The following ROBO1 variants were observed in gnomAD, a reference collection of about 807,000 sequenced individuals.
ROBO1 encodes the protein roundabout guidance receptor 1.
A neutral mutation model predicts 195.9 loss-of-function variants in ROBO1; 149 were observed. The ratio of observed to expected loss-of-function variants is 0.76; its 90% CI spans 0.67 to 0.87. The LOEUF (loss-of-function observed/expected upper bound fraction) is 0.87. Among genes scored for constraint, ROBO1 ranks in the 40% least tolerant of loss-of-function variants. ROBO1 has a pLI of 0.00. For missense variants in ROBO1, 1,933 were observed against 2,068.3 expected (o/e 0.93, Z 1.27); for synonymous variants, 816 against 733.2 (o/e 1.11, Z -1.82).
intron 1 of ROBO1, among the ~76,000 whole-genome samples, chr3:79,675,002 T>G (rs1946743655): frequency 6.6e-6 from 1 of 151,960 alleles, no homozygotes; most frequent in South Asian, 2.1e-4. Flanking sequence ...TAAAAATTTC[T>G]TAACAAAAAG....
chr3:79,258,578 C>T (rs61479702), intron 2 of ROBO1, among the ~76,000 whole-genome samples: 5,696 of 152,090 alleles, frequency 0.037, 147 homozygotes, highest in African/African-American at 0.064. Context: ...ATATTTTGTG[C>T]GCCATGTCAT....
Position 79,256,315 on chromosome 3 carries a change from A to G in ROBO1, c.89-130776T>C, listed in dbSNP as rs145696629. ...CTGTAGACACATGGTACATGTGTTC[A>G]TTACCAACTTCACATTTCTAAGCAC... is the stretch of plus-strand genomic sequence containing the variant. On this transcript the variant is annotated intron_variant, in intron 2 of 30. Transcript: ENST00000464233. 1.2e-4 allele frequency among the ~76,000 whole-genome samples: 19 copies of G among 152,290 alleles called. No homozygotes were observed. The East Asian group carries it at 2.9e-3, about 23-fold the overall frequency.
chr3:78,930,204 T>C (rs1488744161), intron 4 of ROBO1, among the ~76,000 whole-genome samples: 1 of 152,170 alleles, frequency 6.6e-6, no homozygotes. Flanking sequence ...TGCTCCTTGA[T>C]GTGGCACTAT....
chr3:78,983,535 A>C (rs2077042510), intron 3 of ROBO1, among the ~76,000 whole-genome samples: 1 of 152,248 alleles, frequency 6.6e-6, no homozygotes, highest in Non-Finnish European at 1.5e-5. Flanking sequence ...CATAAGATTC[A>C]AGTATTCAAA....
intron 29 of ROBO1, among the ~76,000 whole-genome samples, chr3:78,600,920 A>G (rs1157020146): frequency 1.3e-5 from 2 of 152,160 alleles, no homozygotes; most frequent in Non-Finnish European, 2.9e-5. Flanking sequence ...CTCCACGTCA[A>G]TGTCCTATTT....
At chr3:79,330,416 A>G (rs1269414888) in intron 2 of ROBO1, among the ~76,000 whole-genome samples, 1 of 151,176 alleles carries the variant, frequency 6.6e-6, no homozygotes, top group Non-Finnish European at 1.5e-5. Context: ...ATTTTTCTAC[A>G]GTCCATAAAC....
intron 2 of ROBO1, among the ~76,000 whole-genome samples, chr3:79,201,118 C>A (rs539042472): frequency 3.9e-5 from 6 of 152,014 alleles, no homozygotes; most frequent in African/African-American, 1.4e-4. Flanking sequence ...ATAGCCTATT[C>A]TGGACATTAT....
At chr3:79,425,779 C>T (rs1279983198) in intron 2 of ROBO1, among the ~76,000 whole-genome samples, 1 of 151,786 alleles carries the variant, frequency 6.6e-6, no homozygotes, top group Non-Finnish European at 1.5e-5. Context: ...TGATGCAGAC[C>T]AGACAGAAAA....
intron 5 of ROBO1, among the ~76,000 whole-genome samples, chr3:78,730,406 C>T (rs1484480677): frequency 8.2e-6 from 1 of 121,414 alleles, no homozygotes; most frequent in East Asian, 2.1e-4. Flanking sequence ...CAAGGGATTC[C>T]TTGATATAGA....
rs535256983 is a variant in ROBO1 at position 78,988,181 on chromosome 3, C to T, written c.173-49254G>A. Among the ~76,000 whole-genome samples, 24 of 152,120 alleles carry T rather than the reference C, an allele frequency of 1.6e-4. No homozygotes were observed. The South Asian group carries it at 3.9e-3, about 25-fold the overall frequency. ...CACTTGAGTGGACTTTAAAATCTTG[C>T]TCTCTCTCTTTTTCTCTCATTCTTT... On this transcript the variant is annotated intron_variant, in intron 3 of 30. Transcript: ENST00000464233.
rs562139894 is a variant in ROBO1, at chr3:79,419,828, A to C, written c.88+169996T>G. Among the ~76,000 whole-genome samples, 210 of 152,260 alleles carry C rather than the reference A, an allele frequency of 1.4e-3. 3 individuals are homozygous for C. In the South Asian group the frequency reaches 0.018, roughly 13 times the overall value. ...TTTATTAAATAGAGTAATTTTAAGG[A>C]AAACTAACTCTTTGAAGACTAACAT... On this transcript the variant is annotated intron_variant, in intron 2 of 30. Transcript: ENST00000464233.
At chr3:79,127,663 T>C (rs1435541680) in intron 2 of ROBO1, among the ~76,000 whole-genome samples, 1 of 152,220 alleles carries the variant, frequency 6.6e-6, no homozygotes, top group Non-Finnish European at 1.5e-5. Flanking sequence ...ACTTTTGTTA[T>C]TGAATTCTTC....
In ROBO1 at chr3:79,711,756, G is replaced by A. The variant is rs562990743; in HGVS notation, c.-51+55996C>T. On this transcript the variant is annotated intron_variant, in intron 1 of 30. Transcript: ENST00000464233. ...ACAAGTTGAAGTTTTGTGGCAACAC[G>A]TGTTGAGCAAGTCTATGGATGTCAT... Among the ~76,000 whole-genome samples, 4 of 152,214 alleles carry A rather than the reference G, an allele frequency of 2.6e-5. No individual in the cohort carries two copies. The South Asian group carries it at 8.3e-4, about 31-fold the overall frequency.
Position 79,589,715 on chromosome 3 carries a change from T to G in ROBO1, c.88+109A>C, listed in dbSNP as rs933369067. The G allele has an allele frequency of 8.1e-6, 7 of 865,638 alleles. No individual in the cohort carries two copies. In the African/African-American group the frequency reaches 1.2e-4, roughly 15 times the overall value. 53.6% of individuals were successfully genotyped at this position (865,638 alleles called of 1,614,324 possible). Reference sequence around the variant, plus strand: ...AAGACATTCACACAGACTTACAAGTTCCAAAGAAAATGAACAAACTTGATT... The same window carrying G: ...AAGACATTCACACAGACTTACAAGTGCCAAAGAAAATGAACAAACTTGATT... On this transcript the variant is annotated intron_variant, in intron 2 of 30. Coordinates refer to ENST00000464233, the MANE Select transcript of ROBO1 (RefSeq NM_002941.4).
At chr3:79,649,797 G>C (rs900974532) in intron 1 of ROBO1, among the ~76,000 whole-genome samples, 1 of 151,880 alleles carries the variant, frequency 6.6e-6, no homozygotes, top group African/African-American at 2.4e-5. Context: ...AAACTTCCTG[G>C]GGCCCAGAGA....
At chr3:79,644,467 A>C (rs536243389) in intron 1 of ROBO1, among the ~76,000 whole-genome samples, 1 of 152,176 alleles carries the variant, frequency 6.6e-6, no homozygotes, top group Non-Finnish European at 1.5e-5. Context: ...TGATGGCAGA[A>C]GGCAAAAAGC....
intron 3 of ROBO1, among the ~76,000 whole-genome samples, chr3:79,063,365 G>A (rs192449839): frequency 1.9e-4 from 29 of 151,938 alleles, no homozygotes; most frequent in South Asian, 1.7e-3. Context: ...ATACAACAAC[G>A]TTAGTGTTGT....
chr3:79,459,022 T>C (rs2039711456), intron 2 of ROBO1, among the ~76,000 whole-genome samples: 1 of 152,200 alleles, frequency 6.6e-6, no homozygotes, highest in Admixed American at 6.5e-5. Flanking sequence ...TATCCAACTT[T>C]ATGCTAACTT....
At chr3:79,043,396 G>C (rs180966781) in intron 3 of ROBO1, among the ~76,000 whole-genome samples, 329 of 151,942 alleles carry the variant, frequency 2.2e-3, no homozygotes, top group African/African-American at 7.3e-3. Context: ...AATTCTCTTT[G>C]GAAAATGATC....
Sources: gnomAD v4.1 joint callset for allele counts (sites outside exome capture counted in the v4.1 genomes callset) on GRCh38, gnomAD v4.1.1 for gene constraint, MANE v1.5 for transcripts, NCBI Gene and HGNC (gene_info 2026-07-23, HGNC 2026-07-21) for gene names.